ROBO2: variants seen among roughly 807,000 people sequenced by gnomAD.
ROBO2 encodes the protein roundabout homolog 2.
ROBO2 carries 53 observed loss-of-function variants against 160.8 expected under a neutral mutation model. The ratio of observed to expected loss-of-function variants is 0.33; its 90% confidence interval spans 0.26 to 0.41. The LOEUF is 0.41. ROBO2 is among the 10% of genes least tolerant of loss of function. ROBO2 has a pLI of 1.00. For missense variants in ROBO2, 1,577 were observed against 1,722.4 expected, an observed-to-expected ratio of 0.92 and a Z score of 1.49; for synonymous variants, 664 against 611.7, an observed-to-expected ratio of 1.09 and a Z score of -1.26.
intron 2 of ROBO2, among the ~76,000 whole-genome samples, chr3:76,833,323 A>G (rs1197007921): frequency 6.6e-6 from 1 of 152,188 alleles, no homozygotes; most frequent in Non-Finnish European, 1.5e-5. Context: ...TGGTGGCATC[A>G]CATGCGTAGC....
At chr3:76,090,945 G>T (rs147634406) in intron 2 of ROBO2, among the ~76,000 whole-genome samples, 5 of 152,290 alleles carry the variant, frequency 3.3e-5, no homozygotes, top group African/African-American at 9.6e-5. Flanking sequence ...CTCTTCCACA[G>T]ATTAATTCAA....
intron 2 of ROBO2, among the ~76,000 whole-genome samples, chr3:77,417,012 G>T (rs1465376562): frequency 6.6e-6 from 1 of 152,102 alleles, no homozygotes; most frequent in Non-Finnish European, 1.5e-5. Flanking sequence ...GTAATTTTAA[G>T]CTACTCTAAA....
intron 2 of ROBO2, among the ~76,000 whole-genome samples, chr3:76,450,927 G>A (rs2077443092): frequency 6.6e-6 from 1 of 152,092 alleles, no homozygotes; most frequent in African/African-American, 2.4e-5. Flanking sequence ...GTTGTCCTGT[G>A]GTAGCATCCA....
At chr3:76,315,738 A>G (rs1431753593) in intron 2 of ROBO2, among the ~76,000 whole-genome samples, 1 of 152,182 alleles carries the variant, frequency 6.6e-6, no homozygotes, top group Admixed American at 6.5e-5. Flanking sequence ...CCAGTATCTC[A>G]CATTCCTTGC....
At chr3:77,244,929 A>G (rs2089535688) in intron 2 of ROBO2, among the ~76,000 whole-genome samples, 1 of 141,202 alleles carries the variant, frequency 7.1e-6, no homozygotes, top group Non-Finnish European at 1.5e-5. Context: ...TCCCAACTGA[A>G]GTATATGTGA....
At chr3:77,198,130 C>T (rs763491365) in intron 2 of ROBO2, among the ~76,000 whole-genome samples, 4 of 152,118 alleles carry the variant, frequency 2.6e-5, no homozygotes, top group Non-Finnish European at 4.4e-5. Context: ...TCGATTACTA[C>T]GGGCACAGTT....
intron 2 of ROBO2, among the ~76,000 whole-genome samples, chr3:76,615,785 A>T (rs1292605321): frequency 6.6e-6 from 1 of 152,208 alleles, no homozygotes; most frequent in Non-Finnish European, 1.5e-5. Flanking sequence ...CCATGTGTGC[A>T]TTCTGTTTTA....
At chr3:77,196,998 AAC>A (rs56081135) in intron 2 of ROBO2, among the ~76,000 whole-genome samples, 29,321 of 151,422 alleles carry the variant, frequency 0.19, 3,237 homozygotes, top group Middle Eastern at 0.3. Context: ...AGAAAAAAAA[AAC>A]AAGAAAAAGA....
chr3:77,361,843 A>G (rs2070054645), intron 2 of ROBO2, among the ~76,000 whole-genome samples: 1 of 152,172 alleles, frequency 6.6e-6, no homozygotes, highest in South Asian at 2.1e-4. Context: ...TTACATTTCA[A>G]TGATTAGAGA....
At chr3:76,078,493 G>A (rs1460514283) in intron 2 of ROBO2, among the ~76,000 whole-genome samples, 1 of 152,052 alleles carries the variant, frequency 6.6e-6, no homozygotes, top group Non-Finnish European at 1.5e-5. Flanking sequence ...AGCTTCCCAA[G>A]TAGCTAGGAC....
chr3:76,085,369 A>C (rs1010291968), intron 2 of ROBO2, among the ~76,000 whole-genome samples: 1 of 152,152 alleles, frequency 6.6e-6, no homozygotes, highest in Non-Finnish European at 1.5e-5. Flanking sequence ...AATTTATCAG[A>C]TATCAAGGAA....
intron 2 of ROBO2, among the ~76,000 whole-genome samples, chr3:77,013,197 T>C (rs537287558): frequency 2.6e-5 from 4 of 152,244 alleles, no homozygotes; most frequent in East Asian, 1.9e-4. Context: ...CTAATAAGAA[T>C]TGAAATATTT....
chr3:76,855,890 T>G (rs1273329643), intron 2 of ROBO2, among the ~76,000 whole-genome samples: 1 of 152,228 alleles, frequency 6.6e-6, no homozygotes, highest in Non-Finnish European at 1.5e-5. Flanking sequence ...GACTAAGAAT[T>G]AATCTCACAA....
At position 77,473,298 on chromosome 3, in the gene ROBO2, T is replaced by TAAG. The variant is rs532673331; in HGVS notation, c.389-4102_389-4100dup. ...CTGTGGCGGAAGAAAAAAATAATAA[T>TAAG]AAGAAGAAGAAGAAGATGGAGCCTC... On this transcript the variant is annotated intron_variant, in intron 2 of 25. Transcript: ENST00000461745. Among the ~76,000 whole-genome samples, 36 of 151,634 alleles carry TAAG rather than the reference T, an allele frequency of 2.4e-4. 1 individual carries two copies. In the East Asian group the frequency reaches 6.8e-3, roughly 29 times the overall value.
chr3:77,123,947 TATAG>T (rs780256844), intron 2 of ROBO2, among the ~76,000 whole-genome samples: 31 of 149,720 alleles, frequency 2.1e-4, no homozygotes, highest in Non-Finnish European at 3.4e-4. Flanking sequence ...CTTGTATCTA[TATAG>T]ATAGATATGT....
At chr3:77,415,114 T>A (rs1015540190) in intron 2 of ROBO2, among the ~76,000 whole-genome samples, 1 of 152,180 alleles carries the variant, frequency 6.6e-6, no homozygotes, top group Non-Finnish European at 1.5e-5. Context: ...ATGTTTGCCA[T>A]TACTGTAATT....
intron 2 of ROBO2, among the ~76,000 whole-genome samples, chr3:77,310,389 C>T (rs1375921433): frequency 2.6e-5 from 4 of 152,020 alleles, no homozygotes; most frequent in South Asian, 2.1e-4. Context: ...AGACCCATTT[C>T]GGGAGAAATG....
intron 2 of ROBO2, among the ~76,000 whole-genome samples, chr3:76,470,732 A>G (rs1039819831): frequency 1.3e-5 from 2 of 152,154 alleles, no homozygotes; most frequent in Non-Finnish European, 2.9e-5. Context: ...GAAACTCTAG[A>G]AGAATATTAA....
intron 2 of ROBO2, among the ~76,000 whole-genome samples, chr3:77,117,790 T>C (rs1171487304): frequency 3.9e-5 from 6 of 152,304 alleles, no homozygotes; most frequent in African/African-American, 1.4e-4. Flanking sequence ...TTTATACTCC[T>C]TGCACCTAAT....
Sources: gnomAD v4.1 joint callset for allele counts (sites outside exome capture counted in the v4.1 genomes callset) on GRCh38, gnomAD v4.1.1 for gene constraint, MANE v1.5 for transcripts, NCBI Gene and HGNC (gene_info 2026-07-23, HGNC 2026-07-21) for gene names.